Variants in CNGA1 observed in about 807,000 individuals in gnomAD.
CNGA1 encodes cyclic nucleotide gated channel subunit alpha 1, also known as cyclic nucleotide-gated channel alpha-1.
In CNGA1, 53 loss-of-function variants were observed where a neutral mutation model predicts 69.7. The observed-to-expected ratio is 0.76, with a 90% CI of 0.61 to 0.96. The LOEUF is 0.96. Ranked by LOEUF, CNGA1 falls within the 40% of genes least tolerant of loss-of-function variation. CNGA1 has a pLI of 0.00. For synonymous variants in CNGA1, 249 were observed against 283.5 expected (o/e 0.88, Z 1.22); for missense variants, 739 against 811.2 (o/e 0.91, Z 1.08).
Position 47,967,736 on chromosome 4 carries a change from T to C in CNGA1, c.-15+13657A>G, listed in dbSNP as rs369490995. 8.1e-3 allele frequency among the ~76,000 whole-genome samples: 1,239 copies of C among 152,304 alleles called. 17 individuals are homozygous for C. The highest frequency in any genetic ancestry group is 0.028 in the African/African-American group (1,163 of 41,564). The stretch of plus-strand genomic sequence containing the variant: ...GCTCACACCTGTAATCCCAGCACTT[T>C]GGGAGGCCGAGGTGGGCGGATCACA... On this transcript the variant is annotated intron_variant, in intron 3 of 10. Transcript: ENST00000514170.
intron 2 of CNGA1, among the ~76,000 whole-genome samples, chr4:47,983,604 C>CA (rs1483679572): frequency 7.4e-5 from 11 of 148,640 alleles, no homozygotes; most frequent in African/African-American, 1.3e-4. Flanking sequence ...ACAACAACAA[C>CA]AAAAAAAAAG....
intron 6 of CNGA1, among the ~76,000 whole-genome samples, chr4:47,947,968 T>TG (rs1183282875): frequency 6.6e-6 from 1 of 152,200 alleles, no homozygotes; most frequent in Non-Finnish European, 1.5e-5. Flanking sequence ...CTGAGGAAAG[T>TG]AATCAGTCAC....
intron 2 of CNGA1, among the ~76,000 whole-genome samples, chr4:47,994,565 T>C (rs1350487417): frequency 6.6e-6 from 1 of 152,136 alleles, no homozygotes; most frequent in African/African-American, 2.4e-5. Flanking sequence ...TGAGTCCTTA[T>C]GTGTTAGGTG....
intron 2 of CNGA1, among the ~76,000 whole-genome samples, chr4:48,005,506 G>A (rs1000244675): frequency 6.6e-6 from 1 of 152,142 alleles, no homozygotes; most frequent in Non-Finnish European, 1.5e-5. Context: ...GGCTTTGATG[G>A]TACTTTATTC....
chr4:47,953,326 C>T (rs1407296794), intron 3 of CNGA1, among the ~76,000 whole-genome samples: 1 of 152,114 alleles, frequency 6.6e-6, no homozygotes, highest in Non-Finnish European at 1.5e-5. Context: ...GGATTTATCC[C>T]AGTTTTGAAA....
At chr4:47,959,934 T>G (rs559618965) in intron 3 of CNGA1, among the ~76,000 whole-genome samples, 1 of 151,088 alleles carries the variant, frequency 6.6e-6, no homozygotes, top group Admixed American at 6.6e-5. Context: ...GCATTGGATA[T>G]CATCAAAAAT....
In CNGA1 at chr4:48,004,510, G is replaced by C. The variant is rs887461437; in HGVS notation, c.-123+6284C>G. On this transcript the variant is annotated intron_variant, in intron 2 of 10. Coordinates refer to ENST00000514170, the MANE Select transcript of CNGA1 (RefSeq NM_001379270.1). Reference sequence around the variant, plus strand: ...TGGAGAAAGCATTTTAGAAGAAAATGCGTCTCTAGTCTGAGGTTTTGTCCG... The same window carrying C: ...TGGAGAAAGCATTTTAGAAGAAAATCCGTCTCTAGTCTGAGGTTTTGTCCG... Among the ~76,000 whole-genome samples, 4 of 152,300 alleles carry C rather than the reference G, an allele frequency of 2.6e-5. No individual in the cohort carries two copies. In the East Asian group the frequency reaches 5.8e-4, roughly 22 times the overall value.
chr4:47,950,579 G>A (rs1739680493), intron 5 of CNGA1, among the ~76,000 whole-genome samples: 1 of 152,136 alleles, frequency 6.6e-6, no homozygotes, highest in Non-Finnish European at 1.5e-5. Flanking sequence ...ACCTAAGACT[G>A]TTAGGGAAAG....
chr4:47,958,544 C>T (rs1740229232), intron 3 of CNGA1, among the ~76,000 whole-genome samples: 1 of 151,976 alleles, frequency 6.6e-6, no homozygotes, highest in South Asian at 2.1e-4. Flanking sequence ...ATCATTGGAA[C>T]CCAGAAGGTG....
chr4:47,956,716 G>A (rs193182303), intron 3 of CNGA1, among the ~76,000 whole-genome samples: 29 of 152,238 alleles, frequency 1.9e-4, no homozygotes, highest in African/African-American at 6.3e-4. Context: ...AGGACAGAAC[G>A]GGAAATGTGA....
intron 3 of CNGA1, among the ~76,000 whole-genome samples, chr4:47,980,120 C>T (rs1741620064): frequency 6.6e-6 from 1 of 152,028 alleles, no homozygotes; most frequent in Admixed American, 6.6e-5. Flanking sequence ...TCATTGACAC[C>T]CTAATACTTC....
At chr4:47,944,207 G>A (rs1739261755) in intron 6 of CNGA1, among the ~76,000 whole-genome samples, 1 of 152,160 alleles carries the variant, frequency 6.6e-6, no homozygotes. Flanking sequence ...AAGACTTGGA[G>A]TTGAGAAGAA....
At chr4:47,956,634 G>A (rs531123373) in intron 3 of CNGA1, among the ~76,000 whole-genome samples, 57 of 152,088 alleles carry the variant, frequency 3.7e-4, no homozygotes, top group Non-Finnish European at 6.9e-4. Flanking sequence ...TTCTTTTCCT[G>A]ATTTTAGATA....
intron 3 of CNGA1, 167 bp from the exon 4 acceptor site, chr4:47,952,870 A>G (rs1387020592): frequency 7.6e-6 from 3 of 396,668 alleles, no homozygotes; most frequent in Admixed American, 8.8e-5. Context: ...GTAGCTCCAC[A>G]TGGCTAGGGG....
In CNGA1 at chr4:48,016,489, G is replaced by T; in HGVS notation, c.-229C>A. 3.0e-6 allele frequency: 1 copy of T among 338,642 alleles called. No homozygotes were observed. The highest frequency in any genetic ancestry group is 4.8e-5 in the South Asian group (1 of 20,890). 21.0% of individuals were successfully genotyped at this position (338,642 alleles called of 1,614,324 possible). ...ACTCAATTCCCGGAGTTACCTTGGCGGGCTCCACGCTCCGAGAGACGCTGT... is the reference window on the plus strand; with the variant it reads ...ACTCAATTCCCGGAGTTACCTTGGCTGGCTCCACGCTCCGAGAGACGCTGT... On this transcript the variant is annotated 5_prime_UTR_variant, in exon 1 of 11. Transcript: ENST00000514170.
chr4:47,944,544 T>C (rs889787553), intron 6 of CNGA1, among the ~76,000 whole-genome samples: 4 of 152,082 alleles, frequency 2.6e-5, no homozygotes, highest in Non-Finnish European at 5.9e-5. Flanking sequence ...GAAATAAACA[T>C]TAACACCATG....
intron 3 of CNGA1, among the ~76,000 whole-genome samples, chr4:47,956,936 T>A (rs1740126148): frequency 1.3e-5 from 2 of 151,870 alleles, no homozygotes. Context: ...TATTTTTTTA[T>A]TTTTTTATTT....
chr4:47,937,730 G>A lies in CNGA1; in HGVS notation c.752C>T (p.Pro251Leu). ...QFKLDVLSLIPTDLLYFKLGW... is the reference protein window; with the variant it reads ...QFKLDVLSLILTDLLYFKLGW... ...TAACTTAAAATACAGCAAATCAGTT[G>A]GTATCAGTGACAGAACATCAAGTTT... Residue 251 changes from proline (P) to leucine (L), a missense_variant, in exon 11 of 11, where the codon CCA becomes CTA. Physicochemically the swap from Pro to Leu is moderately conservative, Grantham distance 98. Coordinates refer to ENST00000514170, the MANE Select transcript of CNGA1 (RefSeq NM_001379270.1). 6.2e-7 allele frequency: 1 copy of A among 1,613,720 alleles called. No homozygotes were observed. The highest frequency in any genetic ancestry group is 8.5e-7 in the Non-Finnish European group (1 of 1,179,724).
At chr4:48,003,316 A>T (rs763400948) in intron 2 of CNGA1, among the ~76,000 whole-genome samples, 2 of 152,222 alleles carry the variant, frequency 1.3e-5, no homozygotes, top group African/African-American at 4.8e-5. Flanking sequence ...GCAATCAGAT[A>T]TGCATTTATC....
Sources: allele counts gnomAD v4.1 joint callset (sites outside exome capture counted in the v4.1 genomes callset), GRCh38; gene constraint gnomAD v4.1.1; transcripts MANE v1.5; gene names NCBI Gene and HGNC (gene_info 2026-07-23, HGNC 2026-07-21).